Variants in HELZ observed in about 807,000 individuals in gnomAD.
HELZ encodes the protein helicase with zinc finger, also known as ATP-dependent RNA helicase with zinc finger domain.
A neutral mutation model predicts 218.2 loss-of-function variants in HELZ; 23 were observed. The observed-to-expected ratio is 0.11, with a 90% CI of 0.08 to 0.15. The LOEUF (loss-of-function observed/expected upper bound fraction) is 0.15, where lower values mean the gene tolerates loss of function less well. HELZ is among the 10% of genes least tolerant of loss of function. The pLI is 1.00. For synonymous variants in HELZ, 814 were observed against 829.4 expected (o/e 0.98, Z 0.32); for missense variants, 1,813 against 2,353.7 (o/e 0.77, Z 4.75).
In HELZ at chr17:67,109,513, G is replaced by C. The variant is rs746859121; in HGVS notation, c.4092C>G (p.Pro1364=). The part of the protein sequence containing the change: ...AIPNRHFHPL[P]QLPRPPFPIP... ...TTGGAAAGGGTGGTCTTGGTAGCTG[G>C]GGAAGGGGATGAAAGTGGCGATTAG... The change falls in exon 29 of 33, where the codon CCC becomes CCG. Residue 1364 remains proline, a synonymous_variant. Transcript: ENST00000358691. 6.2e-7 allele frequency: 1 copy of C among 1,614,180 alleles called. No homozygotes were observed. Among genetic ancestry groups the C allele is most frequent in the Admixed American group, 1.7e-5 (1 of 60,004 alleles).
At chr17:67,203,823 G>C (rs1290405650) in intron 5 of HELZ, among the ~76,000 whole-genome samples, 1 of 152,202 alleles carries the variant, frequency 6.6e-6, no homozygotes, top group Non-Finnish European at 1.5e-5. Flanking sequence ...CCATTAAAAT[G>C]AGTAAGAACA....
chr17:67,147,585 C>G (rs1297599314), intron 20 of HELZ, among the ~76,000 whole-genome samples: 4 of 152,076 alleles, frequency 2.6e-5, no homozygotes, highest in African/African-American at 7.2e-5. Flanking sequence ...TCAAGAAACC[C>G]TCCCACCTCA....
At chr17:67,192,726 G>A (rs1443427621) in intron 9 of HELZ, among the ~76,000 whole-genome samples, 3 of 151,872 alleles carry the variant, frequency 2.0e-5, no homozygotes, top group African/African-American at 4.8e-5. Flanking sequence ...AATTTCCTTC[G>A]CTATCAAAAG....
chr17:67,245,182 T>G lies in HELZ; in HGVS notation c.-166A>C, dbSNP rs1489097330. On this transcript the variant is annotated 5_prime_UTR_variant, in exon 1 of 33. Transcript: ENST00000358691. ...CTTTCTACGCCATCTTGGATCCACT[T>G]GTCAACGTCCCCACAAAGCATTATG... is the stretch of plus-strand genomic sequence containing the variant. 1.0e-6 allele frequency: 1 copy of G among 985,046 alleles called. No individual in the cohort carries two copies. The highest frequency in any genetic ancestry group is 1.2e-6 in the Non-Finnish European group (1 of 829,868). The allele number at this position is 985,046 out of a possible 1,614,324, so 61.0% of individuals were successfully genotyped here. A position where few individuals can be genotyped will look rare whatever the true frequency, so the allele number is the denominator to read the frequency against.
At position 67,158,936 on chromosome 17, in the gene HELZ, G is replaced by A. The variant is rs566676425; in HGVS notation, c.2177+1325C>T. Among the ~76,000 whole-genome samples, 106 of 152,250 alleles carry A rather than the reference G, an allele frequency of 7.0e-4. 1 individual carries two copies. Among genetic ancestry groups the A allele is most frequent in the African/African-American group, 2.4e-3 (98 of 41,552 alleles). On this transcript the variant is annotated intron_variant, in intron 17 of 32. Coordinates refer to ENST00000358691, the MANE Select transcript of HELZ (RefSeq NM_014877.4). ...TCAAATGACCTATGCTAAGTCGACC[G>A]AGATTTGAGGGGGCTTTACTCCACT...
chr17:67,193,856 T>C (rs1598401781), intron 9 of HELZ, 111 bp downstream of exon 9: 2 of 746,538 alleles, frequency 2.7e-6, no homozygotes, highest in African/African-American at 3.5e-5. Flanking sequence ...ATGACCTTTA[T>C]GGCTTCTGTT....
intron 3 of HELZ, among the ~76,000 whole-genome samples, chr17:67,227,617 C>T (rs1216547640): frequency 6.6e-6 from 1 of 152,168 alleles, no homozygotes; most frequent in African/African-American, 2.4e-5. Context: ...TCAAAAAGAA[C>T]CTCTCCAAAT....
chr17:67,155,057 C>T (rs2038798696), intron 17 of HELZ, among the ~76,000 whole-genome samples: 1 of 152,162 alleles, frequency 6.6e-6, no homozygotes, highest in African/African-American at 2.4e-5. Flanking sequence ...AGAATAAAGG[C>T]ATTTTCAGAT....
intron 31 of HELZ, among the ~76,000 whole-genome samples, chr17:67,104,639 A>G (rs2037041841): frequency 6.6e-6 from 1 of 152,156 alleles, no homozygotes; most frequent in South Asian, 2.1e-4. Flanking sequence ...ATTGCAAATC[A>G]TATATGAGAT....
chr17:67,108,801 T>A lies in HELZ; in HGVS notation c.4490-75A>T. 8.8e-7 allele frequency: 1 copy of A among 1,140,404 alleles called. No individual in the cohort carries two copies. 70.6% of individuals were successfully genotyped at this position (1,140,404 alleles called of 1,614,324 possible). The stretch of plus-strand genomic sequence containing the variant: ...CATTATTTAAAGTTTTTTACTAACA[T>A]ATTTTCTCCACAAAGACAAAGGACG... On this transcript the variant is annotated intron_variant, in intron 29 of 32. Coordinates refer to ENST00000358691, the MANE Select transcript of HELZ (RefSeq NM_014877.4). The surrounding 1 kb of genome is among the most constrained non-coding windows in gnomAD (Gnocchi z 4.1).
intron 12 of HELZ, among the ~76,000 whole-genome samples, chr17:67,182,117 C>T (rs1264453238): frequency 6.6e-6 from 1 of 152,104 alleles, no homozygotes; most frequent in Non-Finnish European, 1.5e-5. Flanking sequence ...TTTTCTTCAG[C>T]CTAGATTAGG....
intron 31 of HELZ, among the ~76,000 whole-genome samples, chr17:67,094,010 A>G (rs2143641536): frequency 6.6e-6 from 1 of 152,280 alleles, no homozygotes; most frequent in East Asian, 1.9e-4. Flanking sequence ...TTACCCATAT[A>G]ACAAACCTGC....
At chr17:67,087,533 T>C (rs2036430394) in intron 31 of HELZ, among the ~76,000 whole-genome samples, 1 of 152,228 alleles carries the variant, frequency 6.6e-6, no homozygotes, top group African/African-American at 2.4e-5. Context: ...AGTCAGCTAT[T>C]CTACACTTAT....
intron 6 of HELZ, among the ~76,000 whole-genome samples, chr17:67,201,448 T>A (rs1177222677): frequency 6.6e-6 from 1 of 152,102 alleles, no homozygotes; most frequent in Non-Finnish European, 1.5e-5. Flanking sequence ...TAAAATTAAC[T>A]CAAGAAAATA....
intron 17 of HELZ, among the ~76,000 whole-genome samples, chr17:67,155,947 A>G (rs557564066): frequency 6.7e-6 from 1 of 149,828 alleles, no homozygotes; most frequent in East Asian, 1.9e-4. Context: ...TTATACATAT[A>G]TACACATATA....
intron 23 of HELZ, among the ~76,000 whole-genome samples, chr17:67,134,775 C>T (rs2038095975): frequency 6.6e-6 from 1 of 152,006 alleles, no homozygotes; most frequent in East Asian, 1.9e-4. Flanking sequence ...TAAAGAGTGC[C>T]ATGTCCTAAT....
At chr17:67,103,954 A>G (rs1229934304) in intron 31 of HELZ, among the ~76,000 whole-genome samples, 2 of 152,242 alleles carry the variant, frequency 1.3e-5, no homozygotes, top group East Asian at 1.9e-4. Context: ...TCTACAGTCA[A>G]CTGATTTTTG....
At chr17:67,101,664 A>G (rs2036934823) in intron 31 of HELZ, among the ~76,000 whole-genome samples, 1 of 152,218 alleles carries the variant, frequency 6.6e-6, no homozygotes, top group Admixed American at 6.5e-5. Flanking sequence ...TTGGAAGCTC[A>G]GAGGTCAAGA....
chr17:67,217,778 T>C (rs1434326850), intron 4 of HELZ, among the ~76,000 whole-genome samples: 1 of 152,154 alleles, frequency 6.6e-6, no homozygotes, highest in African/African-American at 2.4e-5. Context: ...ACCTTCTCAA[T>C]GAGGCCTGCC....
Sources: gnomAD v4.1 joint callset for allele counts (sites outside exome capture counted in the v4.1 genomes callset) on GRCh38, gnomAD v4.1.1 for gene constraint, Gnocchi (gnomAD v3.1) non-coding constraint, MANE v1.5 for transcripts, NCBI Gene and HGNC (gene_info 2026-07-23, HGNC 2026-07-21) for gene names.